TFEB: variants seen among roughly 807,000 people sequenced by gnomAD.
TFEB encodes the protein T-cell transcription factor EB.
In TFEB, 12 loss-of-function variants were observed where a neutral mutation model predicts 48.0. That is an observed-to-expected ratio of 0.25 (90% CI 0.16 to 0.40). The LOEUF is 0.40. Ranked by LOEUF, TFEB falls within the 10% of genes least tolerant of loss-of-function variation. The pLI, the probability that TFEB is intolerant of heterozygous loss-of-function variation, is 1.00. For missense variants in TFEB, 509 were observed against 640.3 expected (o/e 0.79, Z 2.21); for synonymous variants, 244 against 261.4 (o/e 0.93, Z 0.64).
chr6:41,735,414 C>T lies in TFEB; in HGVS notation c.-87G>A. 1 of 985,642 alleles carries T rather than the reference C, an allele frequency of 1.0e-6. No homozygotes were observed. The highest frequency in any genetic ancestry group is 1.2e-6 in the Non-Finnish European group (1 of 830,470). 61.1% of individuals were successfully genotyped at this position (985,642 alleles called of 1,614,324 possible). Reference sequence around the variant, plus strand: ...CGGCTCCGGCAACTTGTCGCAAGTTCGGGTGCCTGGCCCGCAAGCTGTGCC... The same window carrying T: ...CGGCTCCGGCAACTTGTCGCAAGTTTGGGTGCCTGGCCCGCAAGCTGTGCC... On this transcript the variant is annotated 5_prime_UTR_variant, in exon 1 of 9. Transcript: ENST00000373033.
At chr6:41,692,148 T>C (rs374935653) in intron 1 of TFEB, among the ~76,000 whole-genome samples, 1 of 152,228 alleles carries the variant, frequency 6.6e-6, no homozygotes, top group African/African-American at 2.4e-5. Context: ...ATATCACTTA[T>C]CACCATCTTA....
chr6:41,687,585 T>A (rs1769075901), intron 6 of TFEB, 168 bp downstream of exon 6: 1 of 805,864 alleles, frequency 1.2e-6, no homozygotes, highest in Non-Finnish European at 2.1e-6. Context: ...GCACTAATAG[T>A]CCCAGGCACC....
In TFEB at chr6:41,692,701, G is replaced by T. The variant is rs1003235227; in HGVS notation, c.-22-1466C>A. ...CATCTCTCCATGCACAAAATGAAAG[G>T]GTTGGACCCAGTAATTTCTAAGGTC... On this transcript the variant is annotated intron_variant, in intron 1 of 8. Transcript: ENST00000373033. Among the ~76,000 whole-genome samples, 7 of 152,284 alleles carry T rather than the reference G, an allele frequency of 4.6e-5. No homozygotes were observed. In the East Asian group the frequency reaches 9.6e-4, roughly 21 times the overall value.
chr6:41,734,359 G>C lies in TFEB; in HGVS notation c.-23+991C>G, dbSNP rs1375317644. 1.8e-5 allele frequency: 18 copies of C among 984,956 alleles called. No homozygotes were observed. Among genetic ancestry groups the C allele is most frequent in the Non-Finnish European group, 2.2e-5 (18 of 829,696 alleles). 61.0% of individuals were successfully genotyped at this position (984,956 alleles called of 1,614,324 possible). A position where few individuals can be genotyped will look rare whatever the true frequency, so the allele number is the denominator to read the frequency against. ...CGCCAGGCGGCTGCGGCGCGAACCTGCTCGCGCAGCCCGGAGCAGCTCGGG... is the reference window on the plus strand; with the variant it reads ...CGCCAGGCGGCTGCGGCGCGAACCTCCTCGCGCAGCCCGGAGCAGCTCGGG... On this transcript the variant is annotated intron_variant, in intron 1 of 8. Transcript: ENST00000373033. The surrounding 1 kb of genome is among the most constrained non-coding windows in gnomAD (Gnocchi z 4.0).
At chr6:41,733,867 G>GA in intron 1 of TFEB, 1 of 985,830 alleles carries the variant, frequency 1.0e-6, no homozygotes, top group South Asian at 4.7e-5. Context: ...CACCCAGAAG[G>GA]AAACCAGAGA....
At position 41,734,884 on chromosome 6, in the gene TFEB, C is replaced by A; in HGVS notation, c.-23+466G>T. 1 of 985,310 alleles carries A rather than the reference C, an allele frequency of 1.0e-6. No individual in the cohort carries two copies. The highest frequency in any genetic ancestry group is 1.2e-6 in the Non-Finnish European group (1 of 829,872). The allele number at this position is 985,310 out of a possible 1,614,324, so 61.0% of individuals were successfully genotyped here. A position where few individuals can be genotyped will look rare whatever the true frequency, so the allele number is the denominator to read the frequency against. On this transcript the variant is annotated intron_variant, in intron 1 of 8. Coordinates refer to ENST00000373033, the MANE Select transcript of TFEB (RefSeq NM_001271944.2). The surrounding 1 kb of genome is among the most constrained non-coding windows in gnomAD (Gnocchi z 4.0). The stretch of plus-strand genomic sequence containing the variant: ...CGCTGGCCTGGCCAGACTCAGCCCC[C>A]GCACACCTCCCCTACCTCCGACCCC...
intron 1 of TFEB, among the ~76,000 whole-genome samples, chr6:41,718,390 T>TG (rs143335879): frequency 2.0e-5 from 3 of 152,030 alleles, no homozygotes; most frequent in South Asian, 2.1e-4. Context: ...TGTATTTTTT[T>TG]GTTTGTAGTA....
intron 1 of TFEB, among the ~76,000 whole-genome samples, chr6:41,715,758 A>G (rs1770710982): frequency 6.6e-6 from 1 of 152,104 alleles, no homozygotes; most frequent in South Asian, 2.1e-4. Flanking sequence ...CATCACGCCT[A>G]TGACCCAGGT....
rs889447450 is a variant in TFEB, at chr6:41,717,640, C to G, written c.-23+17710G>C. ...GGCATAGCTCCATCTCATAGCAATG[C>G]CCAGAAGGAAACAGACACCCTCTAA... On this transcript the variant is annotated intron_variant, in intron 1 of 8. Coordinates refer to ENST00000373033, the MANE Select transcript of TFEB (RefSeq NM_001271944.2). Among the ~76,000 whole-genome samples the G allele has an allele frequency of 2.6e-5, 4 of 152,260 alleles. No homozygotes were observed. The East Asian group carries it at 5.8e-4, about 22-fold the overall frequency.
chr6:41,729,039 T>C (rs1235240533), intron 1 of TFEB, among the ~76,000 whole-genome samples: 5 of 152,048 alleles, frequency 3.3e-5, no homozygotes, highest in African/African-American at 1.2e-4. Context: ...CAAACCCCTG[T>C]GCCCAGTCAC....
At chr6:41,685,366 T>C (rs1385853445) in intron 8 of TFEB, among the ~76,000 whole-genome samples, 1 of 152,240 alleles carries the variant, frequency 6.6e-6, no homozygotes, top group Non-Finnish European at 1.5e-5. Context: ...GAATAGAAAT[T>C]ATTAGAATGC....
At chr6:41,686,508 C>CT (rs34883692) in intron 7 of TFEB, 8,550 of 150,362 alleles carry the variant, frequency 0.057, 171 homozygotes, top group South Asian at 0.14. Flanking sequence ...GCCTACCTTT[C>CT]TTTTTTTTTT....
intron 1 of TFEB, among the ~76,000 whole-genome samples, chr6:41,729,521 C>G (rs895412382): frequency 3.3e-5 from 5 of 152,216 alleles, no homozygotes; most frequent in African/African-American, 1.2e-4. Flanking sequence ...AACACCTCCC[C>G]AATTATTGCA....
intron 1 of TFEB, among the ~76,000 whole-genome samples, chr6:41,709,102 A>G (rs1770367437): frequency 6.6e-6 from 1 of 152,250 alleles, no homozygotes; most frequent in Non-Finnish European, 1.5e-5. Flanking sequence ...TGCTCCTAGG[A>G]TAGAGCTATA....
At chr6:41,714,671 T>C (rs778813174) in intron 1 of TFEB, among the ~76,000 whole-genome samples, 12 of 152,216 alleles carry the variant, frequency 7.9e-5, no homozygotes, top group Non-Finnish European at 1.3e-4. Flanking sequence ...GACGGACTAT[T>C]GTCTTCAGGG....
chr6:41,725,533 T>G (rs1350302849), intron 1 of TFEB, among the ~76,000 whole-genome samples: 3 of 152,184 alleles, frequency 2.0e-5, no homozygotes, highest in Admixed American at 6.5e-5. Flanking sequence ...GCACTGCCAC[T>G]TAGGGGGTCT....
chr6:41,728,847 G>GCCC (rs1771329941), intron 1 of TFEB, among the ~76,000 whole-genome samples: 1 of 152,162 alleles, frequency 6.6e-6, no homozygotes, highest in Non-Finnish European at 1.5e-5. Context: ...CTGGGTGTCA[G>GCCC]CTGGTGAAGC....
At chr6:41,706,654 C>A (rs1246737365) in intron 1 of TFEB, among the ~76,000 whole-genome samples, 1 of 152,104 alleles carries the variant, frequency 6.6e-6, no homozygotes, top group Non-Finnish European at 1.5e-5. Context: ...GGCTGGCATT[C>A]CCACCCCATC....
intron 1 of TFEB, among the ~76,000 whole-genome samples, chr6:41,706,326 C>T (rs1357039027): frequency 6.6e-6 from 1 of 152,200 alleles, no homozygotes; most frequent in Non-Finnish European, 1.5e-5. Flanking sequence ...TTCTGCCTCA[C>T]TTCACCCTGT....
Sources: gnomAD v4.1 joint callset for allele counts (sites outside exome capture counted in the v4.1 genomes callset) on GRCh38, gnomAD v4.1.1 for gene constraint, Gnocchi (gnomAD v3.1) non-coding constraint, MANE v1.5 for transcripts, NCBI Gene and HGNC (gene_info 2026-07-23, HGNC 2026-07-21) for gene names.